The following ABCB7 variants were observed in gnomAD, a reference collection of about 807,000 sequenced individuals.
ABCB7 encodes iron-sulfur clusters transporter ABCB7, mitochondrial.
A neutral mutation model predicts 54.4 loss-of-function variants in ABCB7; 7 were observed. The ratio of observed to expected loss-of-function variants is 0.13; its 90% CI spans 0.07 to 0.24. The LOEUF (loss-of-function observed/expected upper bound fraction) is 0.24, where lower values mean the gene tolerates loss of function less well. Among genes scored for constraint, ABCB7 ranks in the 10% least tolerant of loss-of-function variants. ABCB7 has a pLI of 1.00. For synonymous variants in ABCB7, 218 were observed against 207.1 expected (o/e 1.05, Z -0.45); for missense variants, 356 against 570.4 (o/e 0.62, Z 3.83).
intron 9 of ABCB7, among the ~76,000 whole-genome samples, chrX:75,071,176 T>C (rs1319174936): frequency 9.1e-6 from 1 of 110,416 alleles, no homozygotes. Flanking sequence ...AGTTTAGTGC[T>C]TTGAACTAAA....
rs755319874 is a variant in ABCB7 at position 75,104,045 on chromosome X, C to T, written c.334-4984G>A. On this transcript the variant is annotated intron_variant, in intron 3 of 15. Transcript: ENST00000373394. ...GAAAATGGGCATCCCTGTCTTGTTA[C>T]AGTTTTTTTTTTTTTTTTTTTTTTT... 5.5e-3 allele frequency among the ~76,000 whole-genome samples: 85 copies of T among 15,346 alleles called. 1 individual carries two copies. In the South Asian group the frequency reaches 0.06, roughly 11 times the overall value. The allele number at this position is 15,346 out of a possible 115,157, so 13.3% of individuals were successfully genotyped here.
intron 3 of ABCB7, among the ~76,000 whole-genome samples, chrX:75,105,901 T>G (rs2081695787): frequency 9.0e-6 from 1 of 111,722 alleles, no homozygotes; most frequent in Non-Finnish European, 1.9e-5. Context: ...GGACAATCTA[T>G]TCAATAAATA....
chrX:75,118,131 ACAGC>A (rs1468553592), intron 1 of ABCB7, among the ~76,000 whole-genome samples: 6 of 112,042 alleles, frequency 5.4e-5, no homozygotes, highest in African/African-American at 1.9e-4. Context: ...ACTGTTCAAG[ACAGC>A]CCAGCAAACT....
intron 1 of ABCB7, among the ~76,000 whole-genome samples, chrX:75,131,495 T>C (rs760624941): frequency 4.5e-5 from 5 of 111,022 alleles, no homozygotes; most frequent in Non-Finnish European, 7.5e-5. Flanking sequence ...TCCCAAATTC[T>C]CACACTAACA....
chrX:75,111,596 C>T (rs2081760715), intron 3 of ABCB7, among the ~76,000 whole-genome samples: 1 of 111,078 alleles, frequency 9.0e-6, no homozygotes, highest in Non-Finnish European at 1.9e-5. Context: ...AACTACAACT[C>T]CACACTATTT....
chrX:75,155,227 G>A (rs912233395), intron 1 of ABCB7, among the ~76,000 whole-genome samples: 2 of 113,121 alleles, frequency 1.8e-5, no homozygotes, highest in African/African-American at 6.4e-5. Flanking sequence ...CAAGGTAGAC[G>A]TTAAATATTT....
chrX:75,060,922 T>C (rs767728287), intron 14 of ABCB7, among the ~76,000 whole-genome samples: 2 of 111,979 alleles, frequency 1.8e-5, no homozygotes, highest in East Asian at 5.6e-4. Context: ...CTGTAAAGTA[T>C]AAGAGTTGTA....
chrX:75,128,857 A>T (rs775695092), intron 1 of ABCB7, among the ~76,000 whole-genome samples: 1 of 112,313 alleles, frequency 8.9e-6, no homozygotes, highest in East Asian at 2.8e-4. Flanking sequence ...GCTCATCATC[A>T]CTGCTCATTA....
chrX:75,116,673 C>T (rs2081823831), intron 1 of ABCB7, among the ~76,000 whole-genome samples: 2 of 111,382 alleles, frequency 1.8e-5, no homozygotes, highest in South Asian at 3.9e-4. Flanking sequence ...GTATCAGAGG[C>T]ATTTGAACCA....
chrX:75,083,993 A>G (rs2081476558), intron 4 of ABCB7, among the ~76,000 whole-genome samples: 1 of 110,831 alleles, frequency 9.0e-6, no homozygotes, highest in Non-Finnish European at 1.9e-5. Flanking sequence ...TTACAGGAGT[A>G]CTTATAAGAG....
At chrX:75,079,500 T>A (rs1332898289) in intron 4 of ABCB7, among the ~76,000 whole-genome samples, 1 of 111,397 alleles carries the variant, frequency 9.0e-6, no homozygotes, top group African/African-American at 3.3e-5. Context: ...TAAAAAAAAA[T>A]AACTTTTTTA....
intron 1 of ABCB7, among the ~76,000 whole-genome samples, chrX:75,115,787 G>A (rs981414970): frequency 1.2e-5 from 1 of 86,783 alleles, no homozygotes; most frequent in African/African-American, 5.4e-5. Context: ...TGTGTGTGTT[G>A]GGGGGGGGGG....
intron 2 of ABCB7, among the ~76,000 whole-genome samples, chrX:75,114,088 C>A (rs1295404204): frequency 9.0e-6 from 1 of 111,620 alleles, no homozygotes; most frequent in Non-Finnish European, 1.9e-5. Flanking sequence ...CACATTTTCC[C>A]CTTAACACTT....
At chrX:75,071,192 A>T (rs1253648095) in intron 9 of ABCB7, among the ~76,000 whole-genome samples, 1 of 110,809 alleles carries the variant, frequency 9.0e-6, no homozygotes, top group African/African-American at 3.3e-5. Flanking sequence ...CTAAACACTA[A>T]ATCAATTACA....
At chrX:75,107,123 A>C (rs911750943) in intron 3 of ABCB7, among the ~76,000 whole-genome samples, 1 of 111,338 alleles carries the variant, frequency 9.0e-6, no homozygotes, top group African/African-American at 3.3e-5. Context: ...GCAGAAAGGA[A>C]CACCAGAAAC....
intron 4 of ABCB7, among the ~76,000 whole-genome samples, chrX:75,090,753 AAAG>A (rs1315146330): frequency 9.0e-6 from 1 of 111,281 alleles, no homozygotes; most frequent in Non-Finnish European, 1.9e-5. Flanking sequence ...AGCAAAAAAG[AAAG>A]AAGACAAACT....
chrX:75,051,497 GATT>G lies in ABCB7; in HGVS notation c.*1870_*1872del, dbSNP rs775060986. The G allele has an allele frequency of 8.9e-6, 1 of 112,130 alleles. No individual in the cohort carries two copies. The highest frequency in any genetic ancestry group is 1.9e-5 in the Non-Finnish European group (1 of 53,151). 9.2% of individuals were successfully genotyped at this position (112,130 alleles called of 1,213,427 possible). Reference sequence around the variant, plus strand: ...AGGTGCATATGTTTTCAAATTGAATGATTACTACCAAACAAATGAAAGCAAGTT... The same window carrying G: ...AGGTGCATATGTTTTCAAATTGAATGACTACCAAACAAATGAAAGCAAGTT... On this transcript the variant is annotated 3_prime_UTR_variant, in exon 16 of 16. Coordinates refer to ENST00000373394, the MANE Select transcript of ABCB7 (RefSeq NM_001271696.3).
At chrX:75,103,221 T>C (rs1399179567) in intron 3 of ABCB7, among the ~76,000 whole-genome samples, 2 of 111,577 alleles carry the variant, frequency 1.8e-5, no homozygotes, top group South Asian at 3.7e-4. Flanking sequence ...ATTTTCCCTA[T>C]TTTTTCTTCC....
chrX:75,088,531 G>C (rs2081517932), intron 4 of ABCB7, among the ~76,000 whole-genome samples: 1 of 111,750 alleles, frequency 8.9e-6, no homozygotes, highest in Non-Finnish European at 1.9e-5. Flanking sequence ...TCTTTGATAG[G>C]CTCATCAGTA....
Sources: gnomAD v4.1 joint callset for allele counts (sites outside exome capture counted in the v4.1 genomes callset) on GRCh38, gnomAD v4.1.1 for gene constraint, MANE v1.5 for transcripts, NCBI Gene and HGNC (gene_info 2026-07-23, HGNC 2026-07-21) for gene names.